CACNA1I: variants seen among roughly 807,000 people sequenced by gnomAD.
The protein encoded by CACNA1I is voltage-dependent T-type calcium channel subunit alpha-1I.
A neutral mutation model predicts 201.6 loss-of-function variants in CACNA1I; 74 were observed. The observed-to-expected ratio is 0.37, with a 90% CI of 0.30 to 0.45. The LOEUF (loss-of-function observed/expected upper bound fraction) is 0.45. Among genes scored for constraint, CACNA1I ranks in the 20% least tolerant of loss-of-function variants. The pLI is 1.00. For synonymous variants in CACNA1I, 1,431 were observed against 1,345.2 expected (o/e 1.06, Z -1.40); for missense variants, 2,346 against 3,138.1 (o/e 0.75, Z 6.03).
In CACNA1I at chr22:39,653,845, G is replaced by A. The variant is rs558874718; in HGVS notation, c.1992+3920G>A. Among the ~76,000 whole-genome samples the A allele has an allele frequency of 5.9e-5, 9 of 152,320 alleles. No individual in the cohort carries two copies. The South Asian group carries it at 1.9e-3, about 32-fold the overall frequency. Reference sequence around the variant, plus strand: ...CTCATGGCAGCAGATGCTGTTTCTTGCAGGGCCTGGCCTAGAAGGAGGGGA... The same window carrying A: ...CTCATGGCAGCAGATGCTGTTTCTTACAGGGCCTGGCCTAGAAGGAGGGGA... On this transcript the variant is annotated intron_variant, in intron 10 of 36. Coordinates refer to ENST00000402142, the MANE Select transcript of CACNA1I (RefSeq NM_021096.4).
chr22:39,607,336 C>T (rs144388255), intron 3 of CACNA1I, among the ~76,000 whole-genome samples: 181 of 152,356 alleles, frequency 1.2e-3, no homozygotes, highest in African/African-American at 2.5e-3. Flanking sequence ...GTTCCTCCAA[C>T]GTCAGGGAGC....
At position 39,649,689 on chromosome 22, in the gene CACNA1I, G is replaced by A. The variant is rs1352842052; in HGVS notation, c.1756G>A (p.Glu586Lys). 2.0e-6 allele frequency: 3 copies of A among 1,516,784 alleles called. No individual in the cohort carries two copies. Among genetic ancestry groups the A allele is most frequent in the East Asian group, 2.5e-5 (1 of 40,574 alleles). 94.0% of individuals were successfully genotyped at this position (1,516,784 alleles called of 1,614,324 possible). Residue 586 changes from glutamate (E) to lysine (K), a missense_variant, in exon 10 of 37, where the codon GAG becomes AAG. Physicochemically the swap from Glu to Lys is moderately conservative, Grantham distance 56. Coordinates refer to ENST00000402142, the MANE Select transcript of CACNA1I (RefSeq NM_021096.4). This position sits in a 1 kb window ranked among gnomAD's most constrained non-coding sequence, Gnocchi z 7.3. ...GSGSGSSAGGEDEADGDGARS... is the reference protein window; with the variant it reads ...GSGSGSSAGGKDEADGDGARS... ...GGGCTCCGGGAGCTCCGCTGGTGGC[G>A]AGGACGAGGCGGATGGGGACGGGGC...
rs887983955 is a variant in CACNA1I, at chr22:39,648,372, C to T, written c.1567+446C>T. ...CGTGGGGGAGAAGTGTTCACTCCAA[C>T]GGGCTTCCTGCGGCCGCCCAGCCCC... is the stretch of plus-strand genomic sequence containing the variant. On this transcript the variant is annotated intron_variant, in intron 9 of 36. Transcript: ENST00000402142. This position sits in a 1 kb window ranked among gnomAD's most constrained non-coding sequence, Gnocchi z 5.4. Among the ~76,000 whole-genome samples, 3 of 152,166 alleles carry T rather than the reference C, an allele frequency of 2.0e-5. No homozygotes were observed. The highest frequency in any genetic ancestry group is 6.5e-5 in the Admixed American group (1 of 15,288).
chr22:39,574,418 T>TC (rs1490432514), intron 1 of CACNA1I, among the ~76,000 whole-genome samples: 2 of 151,856 alleles, frequency 1.3e-5, no homozygotes, highest in Non-Finnish European at 2.9e-5. Flanking sequence ...CATAGGGCTG[T>TC]CCCCTGGAGC....
chr22:39,646,769 G>A lies in CACNA1I; in HGVS notation c.1350G>A (p.Lys450=), dbSNP rs1285418447. ...QYVCHILRKA[K]RRALGLYQAL... is the part of the protein sequence containing the mutation. The stretch of plus-strand genomic sequence containing the variant: ...TCTGCCACATCCTGCGCAAGGCCAA[G>A]CGCCGCGCCCTGGGCCTCTACCAGG... Residue 450 remains lysine (K), a synonymous_variant, in exon 8 of 37, where the codon AAG becomes AAA. Transcript: ENST00000402142. The A allele has an allele frequency of 2.5e-6, 4 of 1,586,434 alleles. No individual in the cohort carries two copies. The highest frequency in any genetic ancestry group is 1.8e-5 in the Admixed American group (1 of 56,600).
chr22:39,686,123 C>G lies in CACNA1I; in HGVS notation c.6390C>G (p.Leu2130=), dbSNP rs924122027. ...GSEHSETLSS[L]SLTSLFCPPP... is the part of the protein sequence containing the mutation. ...AGCACTCGGAGACCCTCAGCAGCCT[C>G]TCGCTCACCTCCCTCTTCTGCCCGC... The change falls in exon 37 of 37, where the codon CTC becomes CTG. Residue 2130 remains leucine (L), a synonymous_variant. Coordinates refer to ENST00000402142, the MANE Select transcript of CACNA1I (RefSeq NM_021096.4). The G allele has an allele frequency of 1.4e-5, 18 of 1,266,116 alleles. No homozygotes were observed. Among genetic ancestry groups the G allele is most frequent in the Non-Finnish European group, 1.8e-5 (18 of 1,009,010 alleles). 78.4% of individuals were successfully genotyped at this position (1,266,116 alleles called of 1,614,324 possible). A position where few individuals can be genotyped will look rare whatever the true frequency, so the allele number is the denominator to read the frequency against.
At chr22:39,636,430 C>G (rs1435761057) in intron 5 of CACNA1I, among the ~76,000 whole-genome samples, 1 of 152,252 alleles carries the variant, frequency 6.6e-6, no homozygotes, top group Admixed American at 6.5e-5. Flanking sequence ...GATTGCCACG[C>G]CTCCCTCTGA....
At chr22:39,623,902 G>T (rs1188280631) in intron 4 of CACNA1I, among the ~76,000 whole-genome samples, 7 of 141,334 alleles carry the variant, frequency 5.0e-5, no homozygotes, top group Admixed American at 5.0e-4. Flanking sequence ...GTGTGTGTGC[G>T]CCTGTGAGGG....
chr22:39,577,725 G>A (rs1380771002), intron 1 of CACNA1I, among the ~76,000 whole-genome samples: 1 of 152,250 alleles, frequency 6.6e-6, no homozygotes, highest in African/African-American at 2.4e-5. Context: ...CCAGCGTGCC[G>A]GCTGAGGGCC....
In CACNA1I at chr22:39,666,420, G is replaced by A. The variant is rs1472182638; in HGVS notation, c.4104+414G>A. Among the ~76,000 whole-genome samples, 3 of 152,154 alleles carry A rather than the reference G, an allele frequency of 2.0e-5. No individual in the cohort carries two copies. Among genetic ancestry groups the A allele is most frequent in the African/African-American group, 2.4e-5 (1 of 41,442 alleles). Reference sequence around the variant, plus strand: ...TGTTATAGCCTGCCAGGCAGGCTGCGGTCGAGATGAAAGGATATCAAGCCC... The same window carrying A: ...TGTTATAGCCTGCCAGGCAGGCTGCAGTCGAGATGAAAGGATATCAAGCCC... On this transcript the variant is annotated intron_variant, in intron 23 of 36. Coordinates refer to ENST00000402142, the MANE Select transcript of CACNA1I (RefSeq NM_021096.4). This position sits in a 1 kb window ranked among gnomAD's most constrained non-coding sequence, Gnocchi z 4.1.
rs1171414831 is a variant in CACNA1I at position 39,680,969 on chromosome 22, G to T, written c.5581G>T (p.Asp1861Tyr). 1 of 1,611,958 alleles carries T rather than the reference G, an allele frequency of 6.2e-7. No homozygotes were observed. The stretch of plus-strand genomic sequence containing the variant: ...GACGGAGGCCTTCTCCCTGAACTCA[G>T]ACAGGTCCTCGTCCATCCTGCTGGG... The part of the protein sequence containing the change: ...AETEAFSLNS[D>Y]RSSSILLGDD... The change falls in exon 34 of 37, where the codon GAC becomes TAC. Residue 1861 changes from aspartate to tyrosine, a missense_variant. Asp to Tyr is a radical substitution (Grantham distance 160). Coordinates refer to ENST00000402142, the MANE Select transcript of CACNA1I (RefSeq NM_021096.4).
intron 6 of CACNA1I, among the ~76,000 whole-genome samples, chr22:39,642,108 T>TGCTGCCCTCTGCTGCCCTGG (rs1934366531): frequency 1.3e-5 from 2 of 152,076 alleles, no homozygotes; most frequent in Non-Finnish European, 2.9e-5. Context: ...TGCTGCCCTG[T>TGCTGCCCTCTGCTGCCCTGG]GCTGCCCTCT....
chr22:39,650,057 G>T, intron 10 of CACNA1I, 132 bp downstream of exon 10: 1 of 976,016 alleles, frequency 1.0e-6, no homozygotes, highest in Non-Finnish European at 1.6e-6. Context: ...GGGCTGAGCT[G>T]GGTCCAGTTC....
chr22:39,619,536 C>T (rs1410073647), intron 4 of CACNA1I, 129 bp downstream of exon 4: 11 of 693,226 alleles, frequency 1.6e-5, no homozygotes, highest in Middle Eastern at 3.6e-4. Context: ...GATTAGGGCC[C>T]GGGTGTGCTC....
In CACNA1I at chr22:39,679,412, C is replaced by T. The variant is rs899406872; in HGVS notation, c.5361C>T (p.Gly1787=). ...GGAGGGGDTE[G]GLCRRCYSPA... is the part of the protein sequence containing the mutation. ...CGGGCGGCGGGGGCGACACCGAGGGCGGCTTGTGCCGGCGCTGCTACTCGC... is the reference window on the plus strand; with the variant it reads ...CGGGCGGCGGGGGCGACACCGAGGGTGGCTTGTGCCGGCGCTGCTACTCGC... Residue 1787 remains glycine (G), a synonymous_variant, in exon 32 of 37, where the codon GGC becomes GGT. Coordinates refer to ENST00000402142, the MANE Select transcript of CACNA1I (RefSeq NM_021096.4). 9.1e-6 allele frequency: 13 copies of T among 1,433,972 alleles called. No homozygotes were observed. Among genetic ancestry groups the T allele is most frequent in the Admixed American group, 3.1e-5 (1 of 32,544 alleles). 88.8% of individuals were successfully genotyped at this position (1,433,972 alleles called of 1,614,324 possible).
rs1933996696 is a variant in CACNA1I at position 39,629,563 on chromosome 22, A to C, written c.581-5002A>C. Among the ~76,000 whole-genome samples, 1 of 128,526 alleles carries C rather than the reference A, an allele frequency of 7.8e-6. No homozygotes were observed. The highest frequency in any genetic ancestry group is 2.9e-5 in the African/African-American group (1 of 34,328). The allele number at this position is 128,526 out of a possible 152,430, so 84.3% of individuals were successfully genotyped here. A position where few individuals can be genotyped will look rare whatever the true frequency, so the allele number is the denominator to read the frequency against. On this transcript the variant is annotated intron_variant, in intron 4 of 36. Transcript: ENST00000402142. The surrounding 1 kb of genome is among the most constrained non-coding windows in gnomAD (Gnocchi z 4.8). The stretch of plus-strand genomic sequence containing the variant: ...GGCAGGGCCAGGCAGGACGGAGAGG[A>C]GCAGGGGGACGGAAGGCCCAATCAT...
At chr22:39,650,032 C>A (rs1601495396) in intron 10 of CACNA1I, 107 bp downstream of exon 10, 33 of 1,245,100 alleles carry the variant, frequency 2.7e-5, no homozygotes, top group Non-Finnish European at 3.8e-5. Flanking sequence ...GTGTGTCTGT[C>A]CACCTAGAAG....
rs1185462020 is a variant in CACNA1I, at chr22:39,685,863, C to T, written c.6130C>T (p.Arg2044Cys). 4.1e-6 allele frequency: 6 copies of T among 1,475,042 alleles called. No individual in the cohort carries two copies. Among genetic ancestry groups the T allele is most frequent in the African/African-American group, 1.5e-5 (1 of 68,076 alleles). The allele number at this position is 1,475,042 out of a possible 1,614,324, so 91.4% of individuals were successfully genotyped here. ...CCTGACCCTGAGCGACAGCCCCCGG[C>T]GTGCCCTGGGGCCGCCCGCGCCTGC... Reference protein sequence around the residue: ...DSLTLSDSPRRALGPPAPAPG... With the variant: ...DSLTLSDSPRCALGPPAPAPG... Residue 2044 changes from arginine to cysteine, a missense_variant, in exon 37 of 37, where the codon CGT becomes TGT. Arg to Cys is a radical substitution (Grantham distance 180). Transcript: ENST00000402142. The surrounding 1 kb of genome is among the most constrained non-coding windows in gnomAD (Gnocchi z 5.0).
At chr22:39,652,018 C>T (rs1214621387) in intron 10 of CACNA1I, among the ~76,000 whole-genome samples, 1 of 150,014 alleles carries the variant, frequency 6.7e-6, no homozygotes, top group African/African-American at 2.5e-5. Context: ...TCAAGCTTTC[C>T]AACCTCGGAT....
Sources: allele counts gnomAD v4.1 joint callset (sites outside exome capture counted in the v4.1 genomes callset), GRCh38; gene constraint gnomAD v4.1.1; non-coding constraint Gnocchi (gnomAD v3.1); transcripts MANE v1.5; gene names NCBI Gene and HGNC (gene_info 2026-07-23, HGNC 2026-07-21).